Variants in IPO9 observed in about 807,000 individuals in gnomAD.
IPO9 encodes the protein importin 9.
Under a neutral mutation model 128.6 loss-of-function variants are expected in IPO9, and 28 were observed. The observed-to-expected ratio is 0.22, with a 90% CI of 0.16 to 0.30. The LOEUF (loss-of-function observed/expected upper bound fraction) is 0.30. Ranked by LOEUF, IPO9 falls within the 10% of genes least tolerant of loss-of-function variation. The pLI is 1.00. For missense variants in IPO9, 935 were observed against 1,293.9 expected, an observed-to-expected ratio of 0.72 and a Z score of 4.26; for synonymous variants, 455 against 475.8, an observed-to-expected ratio of 0.96 and a Z score of 0.57.
Position 201,874,310 on chromosome 1 carries a change from A to T in IPO9, c.2771A>T (p.Glu924Val). 6.2e-7 allele frequency: 1 copy of T among 1,613,990 alleles called. No homozygotes were observed. The highest frequency in any genetic ancestry group is 1.7e-4 in the Middle Eastern group (1 of 6,050). ...LVKILKLIIN[E>V]LSNVMEANAA... ...AAGATCCTAAAGCTGATCATCAACG[A>T]GCTCTCCAACGTCATGGAGGCTAAT... Residue 924 changes from glutamate (E) to valine (V), a missense_variant, in exon 21 of 24, where the codon GAG becomes GTG. This residue lies in a region of IPO9 where 188 missense variants were observed against 246.7 expected (regional missense o/e 0.76). Coordinates refer to ENST00000361565, the MANE Select transcript of IPO9 (RefSeq NM_018085.5).
Position 201,872,864 on chromosome 1 carries a change from C to T in IPO9, c.2613C>T (p.Ile871=), listed in dbSNP as rs1369407667. 1 of 1,613,902 alleles carries T rather than the reference C, an allele frequency of 6.2e-7. No individual in the cohort carries two copies. The highest frequency in any genetic ancestry group is 1.1e-5 in the South Asian group (1 of 91,048). Reference sequence around the variant, plus strand: ...TCTGTAAGCTGCTCCAGCATGGCATCAATGCAGATGACAAACGGCTACAGG... The same window carrying T: ...TCTGTAAGCTGCTCCAGCATGGCATTAATGCAGATGACAAACGGCTACAGG... ...VALCKLLQHG[I]NADDKRLQDI... The change falls in exon 20 of 24, where the codon ATC becomes ATT. Residue 871 remains isoleucine, a synonymous_variant. Transcript: ENST00000361565.
intron 19 of IPO9, 42 bp downstream of exon 19, chr1:201,871,369 CAT>C (rs766422838): frequency 4.6e-6 from 2 of 438,178 alleles, no homozygotes; most frequent in Non-Finnish European, 7.9e-6. Context: ...TGCCACCACT[CAT>C]ATTTCTTTTT....
At chr1:201,873,929 C>T (rs1165981507) in intron 20 of IPO9, among the ~76,000 whole-genome samples, 1 of 152,110 alleles carries the variant, frequency 6.6e-6, no homozygotes, top group Non-Finnish European at 1.5e-5. Flanking sequence ...TTATAATTAC[C>T]TCCGCTGTCT....
intron 1 of IPO9, among the ~76,000 whole-genome samples, chr1:201,842,110 G>T (rs1195555559): frequency 6.6e-6 from 1 of 152,000 alleles, no homozygotes; most frequent in Non-Finnish European, 1.5e-5. Context: ...CCACCTGCTT[G>T]GATACCAGTT....
chr1:201,860,894 A>T (rs938059567), intron 13 of IPO9, among the ~76,000 whole-genome samples: 1 of 152,204 alleles, frequency 6.6e-6, no homozygotes, highest in African/African-American at 2.4e-5. Context: ...GAGGCCGGGC[A>T]TGGTGGCTTA....
rs1461522169 is a variant in IPO9, at chr1:201,882,432, AAAAAAAAAAAAAAAC to A, written c.*6390_*6404del. On this transcript the variant is annotated 3_prime_UTR_variant, in exon 24 of 24. Transcript: ENST00000361565. ...GGGCGACAGAGCGACACTCTGCCTC[AAAAAAAAAAAAAAAC>A]AAAAAAAAAAACAAGTTTTGTGAAT... is the stretch of plus-strand genomic sequence containing the variant. The A allele has an allele frequency of 2.1e-4, 16 of 76,658 alleles. No individual in the cohort carries two copies. Among genetic ancestry groups the A allele is most frequent in the African/African-American group, 9.2e-4 (16 of 17,412 alleles). 4.7% of individuals were successfully genotyped at this position (76,658 alleles called of 1,614,324 possible). A position where few individuals can be genotyped will look rare whatever the true frequency, so the allele number is the denominator to read the frequency against.
chr1:201,831,105 C>T (rs1429039425), intron 1 of IPO9, among the ~76,000 whole-genome samples: 2 of 152,110 alleles, frequency 1.3e-5, no homozygotes, highest in African/African-American at 4.8e-5. Context: ...TGGACTCAAG[C>T]GATCCTCCCA....
chr1:201,854,750 G>A lies in IPO9; in HGVS notation c.810+36G>A, dbSNP rs759404505. 2.5e-6 allele frequency: 4 copies of A among 1,610,702 alleles called. No homozygotes were observed. The African/African-American group carries it at 5.4e-5, about 22-fold the overall frequency. On this transcript the variant is annotated intron_variant, in intron 7 of 23. Transcript: ENST00000361565. ...ACTACCAATGAAATATTTGGAGTTT[G>A]AGGGGCTGGTCTGAAATCATTTATT... is the stretch of plus-strand genomic sequence containing the variant.
In IPO9 at chr1:201,857,117, C is replaced by G; in HGVS notation, c.1144C>G (p.Pro382Ala). Residue 382 changes from proline to alanine, a missense_variant, in exon 11 of 24, where the codon CCC (proline) becomes GCC (alanine). By Grantham distance (27) the Pro-to-Ala change is conservative. Coordinates refer to ENST00000361565, the MANE Select transcript of IPO9 (RefSeq NM_018085.5). ...EEQIKVWTAN[P>A]QQFVEDEDDD... ...TCAGATTAAAGTATGGACAGCCAACCCCCAACAATTTGTAGAAGATGAAGA... is the reference window on the plus strand; with the variant it reads ...TCAGATTAAAGTATGGACAGCCAACGCCCAACAATTTGTAGAAGATGAAGA... 6.2e-7 allele frequency: 1 copy of G among 1,611,550 alleles called. No individual in the cohort carries two copies. Among genetic ancestry groups the G allele is most frequent in the East Asian group, 2.2e-5 (1 of 44,864 alleles).
intron 1 of IPO9, among the ~76,000 whole-genome samples, chr1:201,846,395 C>T (rs749087071): frequency 1.4e-4 from 21 of 152,196 alleles, no homozygotes; most frequent in African/African-American, 3.9e-4. Flanking sequence ...TTTTTTGAGA[C>T]GGAGTCTCGC....
At position 201,870,512 on chromosome 1, in the gene IPO9, T is replaced by A; in HGVS notation, c.2134-71T>A. ...GCATAGGCCTCTGGGAACATTTGTT[T>A]ATACAGACTGAGGGCCTTCTGGCAT... is the stretch of plus-strand genomic sequence containing the variant. On this transcript the variant is annotated intron_variant, in intron 17 of 23. Coordinates refer to ENST00000361565, the MANE Select transcript of IPO9 (RefSeq NM_018085.5). This position sits in a 1 kb window ranked among gnomAD's most constrained non-coding sequence, Gnocchi z 4.9. 1 of 1,532,242 alleles carries A rather than the reference T, an allele frequency of 6.5e-7. No individual in the cohort carries two copies. The highest frequency in any genetic ancestry group is 8.8e-7 in the Non-Finnish European group (1 of 1,134,328). The allele number at this position is 1,532,242 out of a possible 1,614,324, so 94.9% of individuals were successfully genotyped here. A position where few individuals can be genotyped will look rare whatever the true frequency, so the allele number is the denominator to read the frequency against.
rs1244347146 is a variant in IPO9 at position 201,876,123 on chromosome 1, T to G, written c.*69T>G. ...AACCATTTTGCAGCCCTCACTGGCC[T>G]TGAGATGCACTTTCTTCTCAACCTA... On this transcript the variant is annotated 3_prime_UTR_variant, in exon 24 of 24. Transcript: ENST00000361565. 2 of 1,020,588 alleles carry G rather than the reference T, an allele frequency of 2.0e-6. No individual in the cohort carries two copies. The highest frequency in any genetic ancestry group is 3.1e-6 in the Non-Finnish European group (2 of 637,668). 63.2% of individuals were successfully genotyped at this position (1,020,588 alleles called of 1,614,324 possible). A position where few individuals can be genotyped will look rare whatever the true frequency, so the allele number is the denominator to read the frequency against.
rs778251779 is a variant in IPO9, at chr1:201,847,682, T to A, written c.312+44T>A. 2.2e-6 allele frequency: 3 copies of A among 1,349,218 alleles called. No individual in the cohort carries two copies. The South Asian group carries it at 3.5e-5, about 16-fold the overall frequency. 83.6% of individuals were successfully genotyped at this position (1,349,218 alleles called of 1,614,324 possible). ...TAGTCTACCTGAGGAGATTTGAGGGTCCATTTTAAGAGATTAGACTATAAC... is the reference window on the plus strand; with the variant it reads ...TAGTCTACCTGAGGAGATTTGAGGGACCATTTTAAGAGATTAGACTATAAC... On this transcript the variant is annotated intron_variant, in intron 3 of 23. Coordinates refer to ENST00000361565, the MANE Select transcript of IPO9 (RefSeq NM_018085.5).
intron 19 of IPO9, 49 bp downstream of exon 19, chr1:201,871,376 CTTTTTTTTTTTTT>C (rs556986429): frequency 3.1e-4 from 46 of 149,276 alleles, no homozygotes; most frequent in African/African-American, 1.0e-3. Flanking sequence ...ACTCATATTT[CTTTTTTTTTTTTT>C]TTTTTTTTTT....
chr1:201,831,964 C>T (rs1250496843), intron 1 of IPO9, among the ~76,000 whole-genome samples: 2 of 150,246 alleles, frequency 1.3e-5, no homozygotes, highest in South Asian at 2.1e-4. Context: ...TGCAGTGGTG[C>T]GATCTCGGCT....
intron 1 of IPO9, among the ~76,000 whole-genome samples, chr1:201,841,731 A>T (rs530751251): frequency 6.6e-6 from 1 of 152,322 alleles, no homozygotes; most frequent in African/African-American, 2.4e-5. Flanking sequence ...AAGAATGGGG[A>T]TGTATAGAAG....
chr1:201,839,085 A>G (rs1328534655), intron 1 of IPO9, among the ~76,000 whole-genome samples: 8 of 142,796 alleles, frequency 5.6e-5, no homozygotes, highest in East Asian at 4.3e-4. Context: ...ACGCCCGGCT[A>G]ATTTTTGTAT....
intron 10 of IPO9, among the ~76,000 whole-genome samples, chr1:201,856,574 C>T (rs1037243184): frequency 6.6e-6 from 1 of 152,152 alleles, no homozygotes; most frequent in African/African-American, 2.4e-5. Flanking sequence ...TAAAAGAGAG[C>T]AATAGCCATT....
At chr1:201,835,244 A>G (rs1679902587) in intron 1 of IPO9, among the ~76,000 whole-genome samples, 1 of 152,236 alleles carries the variant, frequency 6.6e-6, no homozygotes, top group South Asian at 2.1e-4. Context: ...TCTCTCTAGG[A>G]GACCCTTCAG....
Sources: allele counts gnomAD v4.1 joint callset (sites outside exome capture counted in the v4.1 genomes callset), GRCh38; gene constraint gnomAD v4.1.1; regional missense constraint gnomAD v4.1.1; non-coding constraint Gnocchi (gnomAD v3.1); transcripts MANE v1.5; gene names NCBI Gene and HGNC (gene_info 2026-07-23, HGNC 2026-07-21).